ARSD: variants seen among roughly 807,000 people sequenced by gnomAD.
ARSD encodes the protein testis tissue sperm-binding protein Li 39a.
A neutral mutation model predicts 32.6 loss-of-function variants in ARSD; 21 were observed. The ratio of observed to expected loss-of-function variants is 0.64; its 90% confidence interval spans 0.46 to 0.93. The LOEUF (loss-of-function observed/expected upper bound fraction) is 0.93. Ranked by LOEUF, ARSD falls within the 40% of genes least tolerant of loss-of-function variation. The probability of loss-of-function intolerance (pLI) is 0.00; values close to 1 mark genes in which losing one functional copy is unlikely to be tolerated. For synonymous variants in ARSD, 224 were observed against 237.4 expected, an observed-to-expected ratio of 0.94 and a Z score of 0.52; for missense variants, 454 against 520.9, an observed-to-expected ratio of 0.87 and a Z score of 1.25.
chrX:2,910,802 A>G lies in ARSD; in HGVS notation c.1001-9T>C, dbSNP rs2088895319. 1 of 1,204,180 alleles carries G rather than the reference A, an allele frequency of 8.3e-7. No homozygotes were observed. Among genetic ancestry groups the G allele is most frequent in the South Asian group, 1.8e-5 (1 of 55,704 alleles). On this transcript the variant is annotated splice_polypyrimidine_tract_variant and intron_variant, in intron 6 of 9. Coordinates refer to ENST00000381154, the MANE Select transcript of ARSD (RefSeq NM_001669.4). ...GGCATTAAGAACCTTACCTTTACAG[A>G]AAATGGAAAGTTTCAGGACCAAGAA... is the stretch of plus-strand genomic sequence containing the variant.
intron 2 of ARSD, among the ~76,000 whole-genome samples, chrX:2,922,241 C>T (rs949709040): frequency 1.8e-5 from 2 of 110,782 alleles, no homozygotes; most frequent in African/African-American, 6.6e-5. Flanking sequence ...CTCTCTCACA[C>T]ACACACACAC....
Position 2,924,055 on chromosome X carries a change from C to G in ARSD, c.194+1561G>C, listed in dbSNP as rs751648127. 8.0e-5 allele frequency among the ~76,000 whole-genome samples: 9 copies of G among 112,525 alleles called. No individual in the cohort carries two copies. In the South Asian group the frequency reaches 2.6e-3, roughly 32 times the overall value. Reference sequence around the variant, plus strand: ...ATTGATTGATTGATTGACTTAGAGACAGGGTCTTGCTCTGTGGCCCAGGCT... The same window carrying G: ...ATTGATTGATTGATTGACTTAGAGAGAGGGTCTTGCTCTGTGGCCCAGGCT... On this transcript the variant is annotated intron_variant, in intron 2 of 9. Transcript: ENST00000381154.
rs771265961 is a variant in ARSD at position 2,915,681 on chromosome X, C to T, written c.875G>A (p.Gly292Glu). Reference sequence around the variant, plus strand: ...CAAAGAAAGGAAGAGGAGAAATGGCCCATGCTTGTGTCTGAAAGAAGAAAA... The same window carrying T: ...CAAAGAAAGGAAGAGGAGAAATGGCTCATGCTTGTGTCTGAAAGAAGAAAA... ...AVSYIERHKH[G>E]PFLLFLSLLH... Residue 292 changes from glycine to glutamate, a missense_variant, in exon 6 of 10, where the codon GGG (glycine) becomes GAG (glutamate). Gly to Glu is a moderately conservative substitution (Grantham distance 98). Coordinates refer to ENST00000381154, the MANE Select transcript of ARSD (RefSeq NM_001669.4). 8.3e-7 allele frequency: 1 copy of T among 1,208,596 alleles called. No individual in the cohort carries two copies. The highest frequency in any genetic ancestry group is 1.8e-5 in the South Asian group (1 of 56,634).
chrX:2,918,305 C>T, intron 4 of ARSD, 78 bp from the exon 5 acceptor site: 2 of 989,735 alleles, frequency 2.0e-6, no homozygotes, highest in Non-Finnish European at 2.7e-6. Context: ...GGAATCATTC[C>T]GCGTCGGCAG....
At chrX:2,912,697 A>G (rs1186526114) in intron 6 of ARSD, among the ~76,000 whole-genome samples, 1 of 111,529 alleles carries the variant, frequency 9.0e-6, no homozygotes, top group Non-Finnish European at 1.9e-5. Flanking sequence ...GTCACATAAT[A>G]AAGACACTGG....
rs41302625 is a variant in ARSD, at chrX:2,917,974, G to T, written c.693C>A (p.Thr231=). 2 of 1,210,481 alleles carry T rather than the reference G, an allele frequency of 1.7e-6. No homozygotes were observed. The highest frequency in any genetic ancestry group is 3.5e-5 in the African/African-American group (2 of 57,652). ...ACAGGCAGCCCACGCCGGCCATGCC[G>T]GTGACTGCTCTCGCGGAGACAGAGA... is the stretch of plus-strand genomic sequence containing the variant. ...GFFSVSARAV[T]GMAGVGCLFF... The change falls in exon 5 of 10, where the codon ACC becomes ACA. Residue 231 remains threonine, a synonymous_variant. Transcript: ENST00000381154.
intron 8 of ARSD, among the ~76,000 whole-genome samples, chrX:2,909,193 C>CT (rs377704304): frequency 0.017 from 1,789 of 103,127 alleles, 17 homozygotes; most frequent in Non-Finnish European, 0.029. Context: ...GCTTTTCTTA[C>CT]TTTTTTTTTT....
rs114660996 is a variant in ARSD, at chrX:2,917,754, A to G, written c.863+50T>C. 9,689 of 1,128,857 alleles carry G rather than the reference A, an allele frequency of 8.6e-3. 468 individuals carry two copies. In the African/African-American group the frequency reaches 0.15, roughly 17 times the overall value. The allele number at this position is 1,128,857 out of a possible 1,213,427, so 93.0% of individuals were successfully genotyped here. ...CCGAAGTGCTAGGATGACAGGCATG[A>G]GCCATCGCGTCCGGCCCCATCTCCT... On this transcript the variant is annotated intron_variant, in intron 5 of 9. Coordinates refer to ENST00000381154, the MANE Select transcript of ARSD (RefSeq NM_001669.4).
At chrX:2,910,058 G>A in intron 7 of ARSD, 79 bp from the exon 8 acceptor site, 1 of 1,142,671 alleles carries the variant, frequency 8.8e-7, no homozygotes, top group South Asian at 2.1e-5. Flanking sequence ...TTGTGCATAG[G>A]TATGTGAATA....
intron 1 of ARSD, 40 bp from the exon 2 acceptor site, chrX:2,925,805 T>C (rs1406685913): frequency 8.4e-7 from 1 of 1,191,151 alleles, no homozygotes; most frequent in Non-Finnish European, 1.1e-6. Context: ...CTATCTACAA[T>C]TTGGCAAGGG....
intron 1 of ARSD, among the ~76,000 whole-genome samples, chrX:2,926,953 A>C (rs2089087781): frequency 9.4e-6 from 1 of 106,152 alleles, no homozygotes; most frequent in Non-Finnish European, 1.9e-5. Context: ...GTGTTGGGGG[A>C]TCGTGGCTGT....
intron 1 of ARSD, among the ~76,000 whole-genome samples, chrX:2,926,740 G>A (rs916653869): frequency 2.7e-5 from 3 of 112,274 alleles, no homozygotes; most frequent in Admixed American, 9.5e-5. Context: ...AAAGTCTCCC[G>A]TGCTTTAACC....
At chrX:2,911,425 C>T (rs1174781099) in intron 6 of ARSD, among the ~76,000 whole-genome samples, 1 of 109,528 alleles carries the variant, frequency 9.1e-6, no homozygotes, top group Admixed American at 9.8e-5. Flanking sequence ...AATCCCAGCA[C>T]TTTCGGAGGC....
intron 6 of ARSD, chrX:2,914,318 A>G: frequency 1.7e-6 from 1 of 577,965 alleles, no homozygotes; most frequent in South Asian, 7.9e-5. Flanking sequence ...TTGCAGCCTC[A>G]GCCTCCTGGG....
intron 6 of ARSD, chrX:2,914,881 A>G (rs775807522): frequency 3.3e-5 from 31 of 932,269 alleles, no homozygotes; most frequent in Non-Finnish European, 3.7e-5. Flanking sequence ...TTGTACTATT[A>G]TTATTATTAA....
intron 2 of ARSD, among the ~76,000 whole-genome samples, chrX:2,922,735 G>A (rs1318333252): frequency 2.8e-5 from 3 of 106,590 alleles, no homozygotes; most frequent in Non-Finnish European, 5.8e-5. Context: ...CTACTCGGGA[G>A]GCTGAGACAG....
At position 2,917,648 on chromosome X, in the gene ARSD, A is replaced by C. The variant is rs149330126; in HGVS notation, c.863+156T>G. On this transcript the variant is annotated intron_variant, in intron 5 of 9. Coordinates refer to ENST00000381154, the MANE Select transcript of ARSD (RefSeq NM_001669.4). ...ACCACTATGCCCGGCTAATGATTTT[A>C]TTTATTGTAGAACCTGTCTTCCTAT... Among the ~76,000 whole-genome samples the C allele has an allele frequency of 3.5e-3, 386 of 109,789 alleles. 2 individuals carry two copies. The highest frequency in any genetic ancestry group is 0.012 in the African/African-American group (372 of 30,216).
chrX:2,921,621 C>G (rs1368249527), intron 3 of ARSD, among the ~76,000 whole-genome samples: 8 of 112,487 alleles, frequency 7.1e-5, no homozygotes, highest in Non-Finnish European at 1.3e-4. Flanking sequence ...TTTGCTCTCT[C>G]TAAGAGACAC....
chrX:2,924,548 C>T (rs2147329774), intron 2 of ARSD, among the ~76,000 whole-genome samples: 1 of 113,342 alleles, frequency 8.8e-6, no homozygotes, highest in South Asian at 3.5e-4. Context: ...CACTCAAGCG[C>T]TCTGCTGGTA....
Sources: allele counts gnomAD v4.1 joint callset (sites outside exome capture counted in the v4.1 genomes callset), GRCh38; gene constraint gnomAD v4.1.1; transcripts MANE v1.5; gene names NCBI Gene and HGNC (gene_info 2026-07-23, HGNC 2026-07-21).